The following KSR2 variants were observed in gnomAD, a reference collection of about 807,000 sequenced individuals.
KSR2 encodes kinase suppressor of ras 2.
Under a neutral mutation model 107.8 loss-of-function variants are expected in KSR2, and 25 were observed. That is an observed-to-expected ratio of 0.23 (90% CI 0.17 to 0.32). KSR2 has a LOEUF of 0.32. Among genes scored for constraint, KSR2 ranks in the 10% least tolerant of loss-of-function variants. The pLI is 1.00. For missense variants in KSR2, 887 were observed against 1,268.9 expected (o/e 0.70, Z 4.57); for synonymous variants, 480 against 507.0 (o/e 0.95, Z 0.71).
chr12:117,903,451 C>A (rs1008100874), intron 1 of KSR2, among the ~76,000 whole-genome samples: 4 of 152,106 alleles, frequency 2.6e-5, no homozygotes, highest in African/African-American at 9.7e-5. Flanking sequence ...AAAGTATATC[C>A]CAAATACTAC....
chr12:117,810,732 T>C (rs1260531990), intron 3 of KSR2, among the ~76,000 whole-genome samples: 1 of 152,242 alleles, frequency 6.6e-6, no homozygotes, highest in Non-Finnish European at 1.5e-5. Context: ...AGTATGAAGA[T>C]GGTTAAACTG....
intron 5 of KSR2, among the ~76,000 whole-genome samples, chr12:117,606,601 C>CTTCCTCCCTCCCT (rs368704933): frequency 0.045 from 1,518 of 33,452 alleles, 247 homozygotes; most frequent in African/African-American, 0.14. Flanking sequence ...TCCTTCTTTC[C>CTTCCTCCCTCCCT]TCCTTCCTTC....
At chr12:117,501,885 C>T (rs1873399804) in intron 14 of KSR2, among the ~76,000 whole-genome samples, 1 of 152,212 alleles carries the variant, frequency 6.6e-6, no homozygotes. Flanking sequence ...ACTCCTATAT[C>T]ACATCCTCAC....
In KSR2 at chr12:117,458,359, GCTGGAGGTCAGGGTATT is replaced by G. The variant is rs1173905168; in HGVS notation, c.*8823_*8839del. On this transcript the variant is annotated 3_prime_UTR_variant, in exon 20 of 20. Transcript: ENST00000339824. ...GCCTTTCCAAAATTCTCACTGTAGTGCTGGAGGTCAGGGTATTTTTAAACTAGAAGAACTAGCCAAGC... is the reference window on the plus strand; with the variant it reads ...GCCTTTCCAAAATTCTCACTGTAGTGTTTAAACTAGAAGAACTAGCCAAGC... 4 of 151,196 alleles carry G rather than the reference GCTGGAGGTCAGGGTATT, an allele frequency of 2.6e-5. No homozygotes were observed. Among genetic ancestry groups the G allele is most frequent in the Non-Finnish European group, 5.9e-5 (4 of 67,942 alleles). 9.4% of individuals were successfully genotyped at this position (151,196 alleles called of 1,614,324 possible).
intron 1 of KSR2, among the ~76,000 whole-genome samples, chr12:117,913,935 C>A (rs535861072): frequency 6.6e-6 from 1 of 152,192 alleles, no homozygotes; most frequent in Non-Finnish European, 1.5e-5. Context: ...AACACACCAA[C>A]CTCTCCCATG....
At position 117,464,417 on chromosome 12, in the gene KSR2, T is replaced by A. The variant is rs1871051833; in HGVS notation, c.*2782A>T. On this transcript the variant is annotated 3_prime_UTR_variant, in exon 20 of 20. Coordinates refer to ENST00000339824, the MANE Select transcript of KSR2 (RefSeq NM_173598.6). ...GGCAAACACACAAATCTTGGTCGTG[T>A]CATTGTATAGAATGAGTTGCAGGTG... is the stretch of plus-strand genomic sequence containing the variant. 1 of 152,238 alleles carries A rather than the reference T, an allele frequency of 6.6e-6. No homozygotes were observed. Among genetic ancestry groups the A allele is most frequent in the African/African-American group, 2.4e-5 (1 of 41,464 alleles). 9.4% of individuals were successfully genotyped at this position (152,238 alleles called of 1,614,324 possible). A position where few individuals can be genotyped will look rare whatever the true frequency, so the allele number is the denominator to read the frequency against.
chr12:117,631,278 G>A (rs1288873973), intron 5 of KSR2, among the ~76,000 whole-genome samples: 1 of 152,180 alleles, frequency 6.6e-6, no homozygotes, highest in African/African-American at 2.4e-5. Context: ...TCCAGCCTGG[G>A]CAACAGAGTG....
intron 4 of KSR2, among the ~76,000 whole-genome samples, chr12:117,709,744 G>A (rs764144585): frequency 5.6e-4 from 85 of 152,168 alleles, no homozygotes; most frequent in Non-Finnish European, 1.0e-3. Flanking sequence ...TTTGGGGCCA[G>A]ATAACTCTTA....
At chr12:117,927,830 T>C (rs1895576908) in intron 1 of KSR2, among the ~76,000 whole-genome samples, 1 of 152,196 alleles carries the variant, frequency 6.6e-6, no homozygotes, top group African/African-American at 2.4e-5. Context: ...CCCCTTATTA[T>C]TCTGGTAAAA....
chr12:117,634,453 A>T (rs193248528), intron 5 of KSR2, among the ~76,000 whole-genome samples: 65 of 152,272 alleles, frequency 4.3e-4, no homozygotes, highest in African/African-American at 1.5e-3. Flanking sequence ...ACACCCATGA[A>T]TTCAGTCAGT....
In KSR2 at chr12:117,565,068, C is replaced by G. The variant is rs187455694; in HGVS notation, c.1326-6495G>C. 5.0e-3 allele frequency among the ~76,000 whole-genome samples: 761 copies of G among 152,272 alleles called. 6 individuals carry two copies. Among genetic ancestry groups the G allele is most frequent in the African/African-American group, 0.017 (702 of 41,546 alleles). On this transcript the variant is annotated intron_variant, in intron 7 of 19. Coordinates refer to ENST00000339824, the MANE Select transcript of KSR2 (RefSeq NM_173598.6). ...ATGGTCTCTTTCACAAGCAGCTCTG[C>G]TGTTTTCTTGAAAGATGTGTCATGG...
intron 1 of KSR2, among the ~76,000 whole-genome samples, chr12:117,956,249 CAAAAAAAAAAAAA>C (rs59662300): frequency 5.2e-3 from 249 of 47,522 alleles, no homozygotes; most frequent in African/African-American, 0.019. Context: ...GACTCTGTCT[CAAAAAAAAAAAAA>C]AAAAAAAAAA....
intron 1 of KSR2, among the ~76,000 whole-genome samples, chr12:117,891,173 T>C (rs937686454): frequency 2.6e-5 from 4 of 152,184 alleles, no homozygotes; most frequent in Non-Finnish European, 5.9e-5. Flanking sequence ...CCCAACACTT[T>C]GGGAGGCCAA....
rs61204501 is a variant in KSR2, at chr12:117,798,735, A to C, written c.473-37211T>G. On this transcript the variant is annotated intron_variant, in intron 3 of 19. Transcript: ENST00000339824. ...AAAAAAAAAAAATATATATATATAT[A>C]TCAACCCAAAATAACTGAAAACAGA... 2.8e-3 allele frequency among the ~76,000 whole-genome samples: 395 copies of C among 142,492 alleles called. 2 individuals carry two copies. Among genetic ancestry groups the C allele is most frequent in the African/African-American group, 8.1e-3 (306 of 37,798 alleles). 93.5% of individuals were successfully genotyped at this position (142,492 alleles called of 152,430 possible).
At chr12:117,659,844 T>C (rs1457306652) in intron 5 of KSR2, among the ~76,000 whole-genome samples, 1 of 152,214 alleles carries the variant, frequency 6.6e-6, no homozygotes, top group African/African-American at 2.4e-5. Context: ...TGTCAAAGGA[T>C]GTATAATTGG....
chr12:117,585,346 A>G (rs1004093970), intron 5 of KSR2, among the ~76,000 whole-genome samples: 2 of 152,142 alleles, frequency 1.3e-5, no homozygotes, highest in African/African-American at 2.4e-5. Flanking sequence ...ACATCTCACT[A>G]TTAGGTTCAT....
At chr12:117,605,310 G>C (rs1182128606) in intron 5 of KSR2, among the ~76,000 whole-genome samples, 1 of 152,210 alleles carries the variant, frequency 6.6e-6, no homozygotes, top group African/African-American at 2.4e-5. Flanking sequence ...CTCCAATGTT[G>C]CTGCAAAGAC....
chr12:117,851,183 T>C (rs1215049217), intron 3 of KSR2, among the ~76,000 whole-genome samples: 1 of 152,180 alleles, frequency 6.6e-6, no homozygotes, highest in Non-Finnish European at 1.5e-5. Context: ...GGCTGGCATC[T>C]GAGGCAGGAC....
intron 1 of KSR2, among the ~76,000 whole-genome samples, chr12:117,890,349 C>T (rs991938735): frequency 6.6e-6 from 1 of 152,156 alleles, no homozygotes; most frequent in Non-Finnish European, 1.5e-5. Context: ...TGTCCACAGG[C>T]TTTAGAGCCC....
Sources: allele counts gnomAD v4.1 joint callset (sites outside exome capture counted in the v4.1 genomes callset), GRCh38; gene constraint gnomAD v4.1.1; transcripts MANE v1.5; gene names NCBI Gene and HGNC (gene_info 2026-07-23, HGNC 2026-07-21).